ZNF737: variants seen among roughly 807,000 people sequenced by gnomAD.
ZNF737 encodes the protein zinc finger protein 737.
In ZNF737, 13 loss-of-function variants were observed where a neutral mutation model predicts 11.7. That is an observed-to-expected ratio of 1.11 (90% CI 0.73 to 1.77). ZNF737 has a LOEUF of 1.77. Among genes scored for constraint, ZNF737 ranks in the 40% most tolerant of loss-of-function variants. ZNF737 has a pLI of 0.00. For missense variants in ZNF737, 636 were observed against 638.0 expected (o/e 1.00, Z 0.03); for synonymous variants, 217 against 216.2 (o/e 1.00, Z -0.03).
intron 1 of ZNF737, among the ~76,000 whole-genome samples, chr19:20,559,106 A>G (rs1968991164): frequency 6.6e-6 from 1 of 152,252 alleles, no homozygotes. Context: ...ATACCATTCT[A>G]GACACAGAAA....
At chr19:20,563,402 A>G (rs1284842396) in intron 1 of ZNF737, among the ~76,000 whole-genome samples, 2 of 150,360 alleles carry the variant, frequency 1.3e-5, no homozygotes, top group Non-Finnish European at 3.0e-5. Flanking sequence ...TGTCAGAGTT[A>G]TTCACTTGGT....
intron 1 of ZNF737, among the ~76,000 whole-genome samples, chr19:20,555,082 C>T (rs1339348625): frequency 6.6e-6 from 1 of 152,082 alleles, no homozygotes; most frequent in Admixed American, 6.6e-5. Context: ...AGGCTGGTCT[C>T]GATCTCCTGA....
intron 1 of ZNF737, among the ~76,000 whole-genome samples, chr19:20,555,826 C>CTTT (rs144778054): frequency 0.14 from 21,403 of 148,736 alleles, 1,631 homozygotes; most frequent in South Asian, 0.18. Context: ...AAAGAAAAGC[C>CTTT]TTTTTTTTTT....
chr19:20,544,525 A>T lies in ZNF737; in HGVS notation c.*67T>A. ...TATCACACTTGTACAGTTTCCCTCC[A>T]ATATGAATTTTCTTATGTGAAAAAA... is the stretch of plus-strand genomic sequence containing the variant. On this transcript the variant is annotated 3_prime_UTR_variant, in exon 4 of 4. Transcript: ENST00000427401. The T allele has an allele frequency of 6.5e-7, 1 of 1,544,028 alleles. No homozygotes were observed. Among genetic ancestry groups the T allele is most frequent in the Non-Finnish European group, 8.7e-7 (1 of 1,151,334 alleles).
In ZNF737 at chr19:20,565,635, C is replaced by T. The variant is rs781839897; in HGVS notation, c.3+3G>A. 57 of 1,614,104 alleles carry T rather than the reference C, an allele frequency of 3.5e-5. No homozygotes were observed. In the Middle Eastern group the frequency reaches 6.6e-4, roughly 19 times the overall value. ...TCTCGGGATGTCGGACCGGCACTCTCACCATTTCTAGGCTTCCAGGGGCTC... is the reference window on the plus strand; with the variant it reads ...TCTCGGGATGTCGGACCGGCACTCTTACCATTTCTAGGCTTCCAGGGGCTC... On this transcript the variant is annotated splice_donor_region_variant and intron_variant, in intron 1 of 3. Transcript: ENST00000427401.
intron 1 of ZNF737, among the ~76,000 whole-genome samples, chr19:20,559,337 A>G (rs1267858179): frequency 6.6e-6 from 1 of 152,234 alleles, no homozygotes; most frequent in Non-Finnish European, 1.5e-5. Context: ...TTTAAAAGAC[A>G]AAACCAAACG....
chr19:20,548,023 TCCCAGCTA>T (rs1350586984), intron 3 of ZNF737, among the ~76,000 whole-genome samples: 2 of 152,042 alleles, frequency 1.3e-5, no homozygotes, highest in African/African-American at 2.4e-5. Flanking sequence ...GCACCTGTAA[TCCCAGCTA>T]CTTGGGAGGC....
In ZNF737 at chr19:20,544,677, T is replaced by C. The variant is rs781862364; in HGVS notation, c.1526A>G (p.Tyr509Cys). The change falls in exon 4 of 4, where the codon TAC becomes TGC. Residue 509 changes from tyrosine to cysteine, a missense_variant. By Grantham distance (194) the Tyr-to-Cys change is radical. Transcript: ENST00000427401. Reference sequence around the variant, plus strand: ...GCCTTTGCCACATTCTTCACATTTGTAGGGTTTCTCTCCAGTATGAATTCT... The same window carrying C: ...GCCTTTGCCACATTCTTCACATTTGCAGGGTTTCTCTCCAGTATGAATTCT... ...HKRIHTGEKP[Y>C]KCEECGKGFK... 33 of 1,606,714 alleles carry C rather than the reference T, an allele frequency of 2.1e-5. No homozygotes were observed. Among genetic ancestry groups the C allele is most frequent in the Non-Finnish European group, 2.6e-5 (31 of 1,177,464 alleles).
chr19:20,534,085 G>A (rs1967894072), downstream of ZNF737, among the ~76,000 whole-genome samples: 1 of 149,920 alleles, frequency 6.7e-6, no homozygotes, highest in Admixed American at 6.7e-5. Context: ...TGTGCTAATG[G>A]GCTGCTTGGA....
chr19:20,547,031 C>T (rs1322881498), intron 3 of ZNF737, among the ~76,000 whole-genome samples: 2 of 152,090 alleles, frequency 1.3e-5, no homozygotes, highest in Non-Finnish European at 2.9e-5. Context: ...CATATTCTTG[C>T]TCAGGGGGCA....
chr19:20,539,243 A>T lies in ZNF737; in HGVS notation c.*5349T>A, dbSNP rs1396915613. The T allele has an allele frequency of 1.1e-6, 1 of 889,644 alleles. No homozygotes were observed. Among genetic ancestry groups the T allele is most frequent in the East Asian group, 1.2e-4 (1 of 8,284 alleles). 55.1% of individuals were successfully genotyped at this position (889,644 alleles called of 1,614,324 possible). Reference sequence around the variant, plus strand: ...AGGTGGAGGTTGCAGTGAGCTGAGCACGTACCATTGCAGTGCAGCGTGAGT... The same window carrying T: ...AGGTGGAGGTTGCAGTGAGCTGAGCTCGTACCATTGCAGTGCAGCGTGAGT... On this transcript the variant is annotated 3_prime_UTR_variant, in exon 4 of 4. Coordinates refer to ENST00000427401, the MANE Select transcript of ZNF737 (RefSeq NM_001159293.2).
At chr19:20,556,902 A>C (rs1417648011) in intron 1 of ZNF737, among the ~76,000 whole-genome samples, 3 of 152,118 alleles carry the variant, frequency 2.0e-5, no homozygotes, top group Non-Finnish European at 4.4e-5. Flanking sequence ...TTCTCATAAC[A>C]CCCGGGGAGC....
In ZNF737 at chr19:20,542,104, A is replaced by C; in HGVS notation, c.*2488T>G. 1.0e-6 allele frequency: 1 copy of C among 985,308 alleles called. No homozygotes were observed. The highest frequency in any genetic ancestry group is 1.2e-6 in the Non-Finnish European group (1 of 829,828). The allele number at this position is 985,308 out of a possible 1,614,324, so 61.0% of individuals were successfully genotyped here. ...ACAATGTATGAAATAGTATATTCCT[A>C]CAATATTGTACCTACACCCTTGAGT... On this transcript the variant is annotated 3_prime_UTR_variant, in exon 4 of 4. Coordinates refer to ENST00000427401, the MANE Select transcript of ZNF737 (RefSeq NM_001159293.2).
At chr19:20,563,579 C>T (rs2336360) in intron 1 of ZNF737, among the ~76,000 whole-genome samples, 3 of 150,832 alleles carry the variant, frequency 2.0e-5, no homozygotes, top group Admixed American at 6.6e-5. Flanking sequence ...TCTGCCTCCC[C>T]GGTTCAAGAC....
chr19:20,545,950 G>T lies in ZNF737; in HGVS notation c.253C>A (p.Leu85Ile). Reference sequence around the variant, plus strand: ...TCTTTTATGCTCTGCTCTGGCCAAAGATCTCGGGCAAAATGAGAACACGTA... The same window carrying T: ...TCTTTTATGCTCTGCTCTGGCCAAATATCTCGGGCAAAATGAGAACACGTA... The part of the protein sequence containing the change: ...SVTCSHFARD[L>I]WPEQSIKDSF... The change falls in exon 4 of 4, where the codon CTT becomes ATT. Residue 85 changes from leucine to isoleucine, a missense_variant. By Grantham distance (5) the Leu-to-Ile change is conservative. Transcript: ENST00000427401. The T allele has an allele frequency of 6.4e-7, 1 of 1,554,840 alleles. No individual in the cohort carries two copies. Among genetic ancestry groups the T allele is most frequent in the Non-Finnish European group, 8.6e-7 (1 of 1,156,772 alleles).
At chr19:20,556,000 T>C (rs1340743682) in intron 1 of ZNF737, among the ~76,000 whole-genome samples, 2 of 152,130 alleles carry the variant, frequency 1.3e-5, no homozygotes, top group Non-Finnish European at 2.9e-5. Flanking sequence ...CACCCATTTC[T>C]GTCCTTTAAA....
At position 20,539,289 on chromosome 19, in the gene ZNF737, A is replaced by T. The variant is rs1336053758; in HGVS notation, c.*5303T>A. On this transcript the variant is annotated 3_prime_UTR_variant, in exon 4 of 4. Coordinates refer to ENST00000427401, the MANE Select transcript of ZNF737 (RefSeq NM_001159293.2). ...TGAGTGACAGAGTGAGAATCCTTCT[A>T]AAAAAAAAAAAAAGAAATTCTTTCT... The T allele has an allele frequency of 4.3e-6, 1 of 234,224 alleles. No homozygotes were observed. Among genetic ancestry groups the T allele is most frequent in the Non-Finnish European group, 6.5e-6 (1 of 154,244 alleles). The allele number at this position is 234,224 out of a possible 1,614,324, so 14.5% of individuals were successfully genotyped here.
At chr19:20,564,923 A>G (rs1352757487) in intron 1 of ZNF737, among the ~76,000 whole-genome samples, 1 of 148,082 alleles carries the variant, frequency 6.8e-6, no homozygotes, top group Non-Finnish European at 1.5e-5. Context: ...TTAAACTGTA[A>G]TTACATAACC....
intron 1 of ZNF737, among the ~76,000 whole-genome samples, chr19:20,558,182 C>A (rs782392064): frequency 1.3e-5 from 2 of 151,626 alleles, no homozygotes; most frequent in Non-Finnish European, 2.9e-5. Context: ...TACTCAGGAG[C>A]CTGAAGCAGG....
Sources: allele counts gnomAD v4.1 joint callset (sites outside exome capture counted in the v4.1 genomes callset), GRCh38; gene constraint gnomAD v4.1.1; transcripts MANE v1.5; gene names NCBI Gene and HGNC (gene_info 2026-07-23, HGNC 2026-07-21).